Variants in DNAH11 observed in about 807,000 individuals in gnomAD.
DNAH11 encodes the protein axonemal beta dynein heavy chain 11.
In DNAH11, 442 loss-of-function variants were observed where a neutral mutation model predicts 526.0. The observed-to-expected ratio is 0.84, with a 90% CI of 0.78 to 0.91. DNAH11 has a LOEUF of 0.91. Ranked by LOEUF, DNAH11 falls within the 40% of genes least tolerant of loss-of-function variation. DNAH11 has a pLI of 0.00. For missense variants in DNAH11, 6,989 were observed against 5,448.7 expected (o/e 1.28, Z -8.90); for synonymous variants, 2,461 against 1,935.9 (o/e 1.27, Z -7.12).
intron 74 of DNAH11, among the ~76,000 whole-genome samples, chr7:21,880,232 G>C (rs546778732): frequency 4.6e-5 from 7 of 152,114 alleles, no homozygotes; most frequent in African/African-American, 1.7e-4. Flanking sequence ...GACACAAATG[G>C]CTTCATGGGA....
At chr7:21,828,370 A>T (rs1020676162) in intron 65 of DNAH11, among the ~76,000 whole-genome samples, 1 of 152,250 alleles carries the variant, frequency 6.6e-6, no homozygotes, top group Admixed American at 6.5e-5. Flanking sequence ...TCAGCATTCC[A>T]GTCTGTTCTA....
rs772717935 is a variant in DNAH11 at position 21,765,630 on chromosome 7, A to G, written c.9102+41A>G. 388 of 1,193,936 alleles carry G rather than the reference A, an allele frequency of 3.2e-4. 1 individual carries two copies. The African/African-American group carries it at 5.3e-3, about 16-fold the overall frequency. The allele number at this position is 1,193,936 out of a possible 1,614,324, so 74.0% of individuals were successfully genotyped here. On this transcript the variant is annotated intron_variant, in intron 55 of 81. Transcript: ENST00000409508. ...CTGCGTCACACACACACACACACAC[A>G]CACACACACACACACACACACACAC...
intron 79 of DNAH11, among the ~76,000 whole-genome samples, chr7:21,897,103 A>C (rs1784542515): frequency 6.6e-6 from 1 of 152,036 alleles, no homozygotes. Flanking sequence ...CATCGTCCAT[A>C]ATTATCAGTT....
intron 28 of DNAH11, among the ~76,000 whole-genome samples, chr7:21,652,901 A>C (rs960587448): frequency 2.0e-5 from 3 of 151,792 alleles, no homozygotes; most frequent in Non-Finnish European, 4.4e-5. Flanking sequence ...TTTGAGATGG[A>C]GTTTTGCTGT....
intron 47 of DNAH11, among the ~76,000 whole-genome samples, chr7:21,739,216 C>T (rs1247723841): frequency 6.6e-6 from 1 of 152,142 alleles, no homozygotes; most frequent in African/African-American, 2.4e-5. Context: ...AATGTTTGGG[C>T]ACTGTAGTCT....
chr7:21,784,126 T>G (rs1788072644), intron 57 of DNAH11, among the ~76,000 whole-genome samples: 1 of 152,234 alleles, frequency 6.6e-6, no homozygotes. Context: ...GAGGAATCAC[T>G]TAATCTTGCT....
Position 21,867,926 on chromosome 7 carries a change from T to C in DNAH11, c.11758T>C (p.Phe3920Leu). Reference sequence around the variant, plus strand: ...GACCAGATTGGACTTAGTTAAAGCATTCGAAGAAAGCAGCCCAGCCACCCC... The same window carrying C: ...GACCAGATTGGACTTAGTTAAAGCACTCGAAGAAAGCAGCCCAGCCACCCC... ...ERTRLDLVKAFEESSPATPIF... is the reference protein window; with the variant it reads ...ERTRLDLVKALEESSPATPIF... Residue 3920 changes from phenylalanine to leucine, a missense_variant, in exon 72 of 82, where the codon TTC (phenylalanine) becomes CTC (leucine). By Grantham distance (22) the Phe-to-Leu change is conservative. Transcript: ENST00000409508. 6.3e-7 allele frequency: 1 copy of C among 1,578,116 alleles called. No homozygotes were observed. The highest frequency in any genetic ancestry group is 8.6e-7 in the Non-Finnish European group (1 of 1,160,628).
At chr7:21,888,053 A>T (rs1784192834) in intron 76 of DNAH11, among the ~76,000 whole-genome samples, 1 of 152,110 alleles carries the variant, frequency 6.6e-6, no homozygotes, top group South Asian at 2.1e-4. Flanking sequence ...AATACGGGAG[A>T]CCAGAGTTCT....
chr7:21,603,272 A>G (rs1785160752), intron 18 of DNAH11, among the ~76,000 whole-genome samples: 1 of 152,192 alleles, frequency 6.6e-6, no homozygotes, highest in African/African-American at 2.4e-5. Context: ...ATTCCATTGT[A>G]TGTCCGTCCA....
At chr7:21,891,697 G>A (rs529678806) in intron 76 of DNAH11, among the ~76,000 whole-genome samples, 6 of 152,198 alleles carry the variant, frequency 3.9e-5, no homozygotes, top group East Asian at 3.9e-4. Flanking sequence ...ATAAAAGCCC[G>A]CTTTCTCCAG....
chr7:21,594,741 T>G (rs373320836), intron 14 of DNAH11, among the ~76,000 whole-genome samples: 11 of 151,580 alleles, frequency 7.3e-5, no homozygotes, highest in African/African-American at 1.5e-4. Context: ...GAAGTAAGTG[T>G]GGGGGGAGTA....
At position 21,801,225 on chromosome 7, in the gene DNAH11, C is replaced by G; in HGVS notation, c.10115C>G (p.Thr3372Ser). 1.2e-6 allele frequency: 2 copies of G among 1,613,826 alleles called. No individual in the cohort carries two copies. Among genetic ancestry groups the G allele is most frequent in the Non-Finnish European group, 1.7e-6 (2 of 1,179,838 alleles). Reference sequence around the variant, plus strand: ...CGGTGTCAAGAAGAGGTGAACCAAACCAACAAAACCATCAAATTAGCTAAC... The same window carrying G: ...CGGTGTCAAGAAGAGGTGAACCAAAGCAACAAAACCATCAAATTAGCTAAC... ...KVRCQEEVNQ[T>S]NKTIKLANRL... Residue 3372 changes from threonine (T) to serine (S), a missense_variant, in exon 62 of 82, where the codon ACC becomes AGC. By Grantham distance (58) the Thr-to-Ser change is moderately conservative. Transcript: ENST00000409508.
At chr7:21,799,687 C>G (rs922094546) in intron 61 of DNAH11, among the ~76,000 whole-genome samples, 9 of 152,136 alleles carry the variant, frequency 5.9e-5, no homozygotes, top group African/African-American at 2.2e-4. Context: ...CATCAATTCT[C>G]ATAAAGTTAA....
At chr7:21,610,349 T>A (rs1785471258) in intron 20 of DNAH11, among the ~76,000 whole-genome samples, 1 of 152,184 alleles carries the variant, frequency 6.6e-6, no homozygotes, top group Non-Finnish European at 1.5e-5. Flanking sequence ...ATACTACCCC[T>A]CTGATTAAGG....
intron 25 of DNAH11, among the ~76,000 whole-genome samples, chr7:21,625,806 CA>C (rs1240433664): frequency 6.6e-6 from 1 of 151,914 alleles, no homozygotes; most frequent in Non-Finnish European, 1.5e-5. Flanking sequence ...TGTGAGTTTC[CA>C]AAATTCCTCC....
intron 74 of DNAH11, among the ~76,000 whole-genome samples, chr7:21,877,881 A>T: frequency 6.7e-6 from 1 of 150,114 alleles, no homozygotes; most frequent in Non-Finnish European, 1.5e-5. Flanking sequence ...TCTCAAAAAA[A>T]AAAAAAAAAA....
At chr7:21,629,477 A>T (rs1384318825) in intron 25 of DNAH11, among the ~76,000 whole-genome samples, 1 of 152,046 alleles carries the variant, frequency 6.6e-6, no homozygotes, top group Admixed American at 6.6e-5. Context: ...AAATCTTGGA[A>T]GATCTGTCCA....
intron 45 of DNAH11, among the ~76,000 whole-genome samples, chr7:21,732,864 AG>A (rs1479301234): frequency 2.0e-5 from 3 of 152,226 alleles, no homozygotes; most frequent in African/African-American, 4.8e-5. Flanking sequence ...GTTAAGAGTG[AG>A]GAAACCTTTC....
At chr7:21,717,949 A>C (rs756017643) in intron 43 of DNAH11, 24 bp downstream of exon 43, 9 of 1,603,680 alleles carry the variant, frequency 5.6e-6, no homozygotes, top group Non-Finnish European at 7.7e-6. Flanking sequence ...TACGCCATTT[A>C]ACGTTCTAGT....
Sources: allele counts gnomAD v4.1 joint callset (sites outside exome capture counted in the v4.1 genomes callset), GRCh38; gene constraint gnomAD v4.1.1; transcripts MANE v1.5; gene names NCBI Gene and HGNC (gene_info 2026-07-23, HGNC 2026-07-21).